Variants in LARGE1 observed in about 807,000 individuals in gnomAD.
The protein encoded by LARGE1 is LARGE xylosyl- and glucuronyltransferase 1, also known as xylosyl- and glucuronyltransferase LARGE1.
A neutral mutation model predicts 87.6 loss-of-function variants in LARGE1; 43 were observed. That is an observed-to-expected ratio of 0.49 (90% CI 0.38 to 0.63). LARGE1 has a LOEUF of 0.63. Among genes scored for constraint, LARGE1 ranks in the 30% least tolerant of loss-of-function variants. LARGE1 has a pLI of 0.00. For synonymous variants in LARGE1, 434 were observed against 394.6 expected (o/e 1.10, Z -1.18); for missense variants, 802 against 1,000.2 (o/e 0.80, Z 2.67).
chr22:33,773,797 G>A (rs567485558), intron 1 of LARGE1, among the ~76,000 whole-genome samples: 2 of 152,194 alleles, frequency 1.3e-5, no homozygotes, highest in African/African-American at 2.4e-5. Context: ...GTTGTTGCAA[G>A]GATTGCAAGA....
intron 9 of LARGE1, among the ~76,000 whole-genome samples, chr22:33,342,500 T>A (rs1939266053): frequency 6.6e-6 from 1 of 152,212 alleles, no homozygotes. Context: ...GTGCTGAGAC[T>A]GGAAGTCAAC....
At chr22:33,650,337 C>G (rs755284048) in intron 3 of LARGE1, 30 bp downstream of exon 3, 1 of 1,613,572 alleles carries the variant, frequency 6.2e-7, no homozygotes, top group South Asian at 1.1e-5. Flanking sequence ...CTTTGGACAA[C>G]TTCCTCCCCA....
At chr22:33,314,720 A>AG (rs1215144510) in intron 11 of LARGE1, among the ~76,000 whole-genome samples, 2 of 152,046 alleles carry the variant, frequency 1.3e-5, no homozygotes, top group Non-Finnish European at 2.9e-5. Context: ...GTAGGAGCTG[A>AG]GGGGGGATGA....
intron 6 of LARGE1, among the ~76,000 whole-genome samples, chr22:33,524,299 A>T (rs1188502187): frequency 6.6e-6 from 1 of 151,352 alleles, no homozygotes; most frequent in African/African-American, 2.4e-5. Context: ...CAAAAAAAAA[A>T]AAATAATAAT....
intron 7 of LARGE1, among the ~76,000 whole-genome samples, chr22:33,405,937 C>A (rs1170887702): frequency 9.2e-5 from 14 of 152,154 alleles, no homozygotes; most frequent in African/African-American, 3.4e-4. Flanking sequence ...AAATCAGAGT[C>A]TGGAATCTTC....
At chr22:33,513,106 G>A (rs976134329) in intron 6 of LARGE1, among the ~76,000 whole-genome samples, 4 of 152,110 alleles carry the variant, frequency 2.6e-5, no homozygotes, top group African/African-American at 9.7e-5. Context: ...CGGCTGTCAG[G>A]ATGTGTACTG....
chr22:33,590,507 C>G (rs5754619), intron 5 of LARGE1, among the ~76,000 whole-genome samples: 58,062 of 152,054 alleles, frequency 0.38, 11,255 homozygotes, highest in East Asian at 0.5. Context: ...ACAGCAGTCA[C>G]TTTATAAAAC....
At chr22:33,351,986 C>T (rs34539929) in intron 9 of LARGE1, among the ~76,000 whole-genome samples, 83 of 152,200 alleles carry the variant, frequency 5.5e-4, no homozygotes, top group Non-Finnish European at 9.7e-4. Context: ...ATCCACCCGC[C>T]TCAGCCTCCC....
intron 11 of LARGE1, among the ~76,000 whole-genome samples, chr22:33,181,534 C>CTTT (rs137369): frequency 5.5e-4 from 81 of 146,034 alleles, no homozygotes; most frequent in South Asian, 1.5e-3. Context: ...CTACATTACT[C>CTTT]TTTTTTTTTT....
At chr22:33,561,930 C>T (rs1036917284) in intron 6 of LARGE1, among the ~76,000 whole-genome samples, 1 of 152,202 alleles carries the variant, frequency 6.6e-6, no homozygotes, top group Non-Finnish European at 1.5e-5. Context: ...GGGGCTTTCA[C>T]AGCGCCACAA....
At chr22:33,203,900 T>C (rs1924549989) in intron 11 of LARGE1, among the ~76,000 whole-genome samples, 1 of 152,182 alleles carries the variant, frequency 6.6e-6, no homozygotes, top group Non-Finnish European at 1.5e-5. Context: ...GCCTCTTCCC[T>C]ACACAACTTA....
At chr22:33,773,918 T>A (rs984914507) in intron 1 of LARGE1, among the ~76,000 whole-genome samples, 72 of 152,322 alleles carry the variant, frequency 4.7e-4, no homozygotes, top group African/African-American at 1.5e-3. Context: ...AATCAAAATC[T>A]AAGGACAGTA....
chr22:33,070,944 C>T, the LARGE1 span, among the ~76,000 whole-genome samples: 1 of 152,014 alleles, frequency 6.6e-6, no homozygotes, highest in Admixed American at 6.6e-5. Flanking sequence ...GAGAGCTGGG[C>T]GTGATGTGAT....
At chr22:33,871,593 C>A (rs1339266331) in intron 1 of LARGE1, among the ~76,000 whole-genome samples, 4 of 152,136 alleles carry the variant, frequency 2.6e-5, no homozygotes, top group Non-Finnish European at 5.9e-5. Flanking sequence ...GACCTTTACC[C>A]TTAATTTCAA....
the LARGE1 span, among the ~76,000 whole-genome samples, chr22:33,124,014 G>A: frequency 6.6e-6 from 1 of 152,150 alleles, no homozygotes; most frequent in African/African-American, 2.4e-5. Context: ...GGCCAGGCAC[G>A]ATGGCTCACG....
intron 9 of LARGE1, among the ~76,000 whole-genome samples, chr22:33,373,327 A>T (rs1416481825): frequency 2.0e-5 from 3 of 152,190 alleles, no homozygotes; most frequent in Admixed American, 6.5e-5. Context: ...TTAATTCTGA[A>T]ATCTGTTTAA....
At chr22:33,346,293 TCC>T (rs953072591) in intron 9 of LARGE1, among the ~76,000 whole-genome samples, 5 of 150,228 alleles carry the variant, frequency 3.3e-5, no homozygotes, top group South Asian at 2.1e-4. Context: ...CTCCTCCTCC[TCC>T]TTCTTCTTTT....
intron 10 of LARGE1, among the ~76,000 whole-genome samples, chr22:33,318,712 C>T (rs894994152): frequency 7.9e-5 from 12 of 151,816 alleles, no homozygotes; most frequent in African/African-American, 2.7e-4. Context: ...CTAACCGGCA[C>T]ATTGTGCACA....
intron 6 of LARGE1, among the ~76,000 whole-genome samples, chr22:33,520,341 G>A (rs956417400): frequency 6.6e-6 from 1 of 152,102 alleles, no homozygotes; most frequent in African/African-American, 2.4e-5. Flanking sequence ...CTCCCAAAGC[G>A]CTAGGATTAC....
Sources: gnomAD v4.1 joint callset for allele counts (sites outside exome capture counted in the v4.1 genomes callset) on GRCh38, gnomAD v4.1.1 for gene constraint, MANE v1.5 for transcripts, NCBI Gene and HGNC (gene_info 2026-07-23, HGNC 2026-07-21) for gene names.